NWD2: variants seen among roughly 807,000 people sequenced by gnomAD.
NWD2 encodes NACHT and WD repeat domain-containing protein 2.
NWD2 carries 37 observed loss-of-function variants against 132.7 expected under a neutral mutation model. That is an observed-to-expected ratio of 0.28 (90% CI 0.21 to 0.37). The LOEUF (loss-of-function observed/expected upper bound fraction) is 0.37. Among genes scored for constraint, NWD2 ranks in the 10% least tolerant of loss-of-function variants. The probability of loss-of-function intolerance (pLI) is 1.00; values close to 1 mark genes in which losing one functional copy is unlikely to be tolerated. For synonymous variants in NWD2, 705 were observed against 803.0 expected, an observed-to-expected ratio of 0.88 and a Z score of 2.06; for missense variants, 1,592 against 2,122.4, an observed-to-expected ratio of 0.75 and a Z score of 4.91.
chr4:37,283,349 G>C (rs913392130), intron 1 of NWD2, among the ~76,000 whole-genome samples: 1 of 152,140 alleles, frequency 6.6e-6, no homozygotes, highest in African/African-American at 2.4e-5. Flanking sequence ...CTGAAAGATA[G>C]CACTTACGTT....
intron 2 of NWD2, among the ~76,000 whole-genome samples, chr4:37,341,394 A>G (rs1382893783): frequency 4.6e-5 from 7 of 152,256 alleles, no homozygotes. Context: ...AAGAATCTAT[A>G]TCTATATTTG....
Position 37,244,880 on chromosome 4 carries a change from T to C in NWD2, c.-188T>C. ...CGCGACAGGAGCCCGAGGGTCCGTA[T>C]GGCTTCTCCTCGCCGGCGGGTGCTG... On this transcript the variant is annotated 5_prime_UTR_variant, in exon 1 of 7. It removes an upstream start codon present in the reference 5' UTR. Coordinates refer to ENST00000309447, the MANE Select transcript of NWD2 (RefSeq NM_001144990.2). This position sits in a 1 kb window ranked among gnomAD's most constrained non-coding sequence, Gnocchi z 5.5. 1 of 669,432 alleles carries C rather than the reference T, an allele frequency of 1.5e-6. No individual in the cohort carries two copies. The highest frequency in any genetic ancestry group is 2.4e-6 in the Non-Finnish European group (1 of 416,498). The allele number at this position is 669,432 out of a possible 1,614,324, so 41.5% of individuals were successfully genotyped here. A position where few individuals can be genotyped will look rare whatever the true frequency, so the allele number is the denominator to read the frequency against.
intron 1 of NWD2, among the ~76,000 whole-genome samples, chr4:37,306,092 T>G (rs567207087): frequency 5.9e-5 from 9 of 152,264 alleles, no homozygotes; most frequent in African/African-American, 1.7e-4. Flanking sequence ...GTCTGGAAAT[T>G]TATTCATTTT....
intron 3 of NWD2, among the ~76,000 whole-genome samples, chr4:37,396,400 C>T (rs901904999): frequency 2.6e-5 from 4 of 152,184 alleles, no homozygotes; most frequent in African/African-American, 7.2e-5. Flanking sequence ...AAACTCACAC[C>T]TCCTTACCCC....
rs10033448 is a variant in NWD2, at chr4:37,341,060, A to G, written c.240+15036A>G. Among the ~76,000 whole-genome samples the G allele has an allele frequency of 7.0e-3, 1,064 of 152,306 alleles. 12 individuals carry two copies. Among genetic ancestry groups the G allele is most frequent in the African/African-American group, 0.024 (1,007 of 41,564 alleles). On this transcript the variant is annotated intron_variant, in intron 2 of 6. Coordinates refer to ENST00000309447, the MANE Select transcript of NWD2 (RefSeq NM_001144990.2). ...CCTCAACCAGACGATGGTTTGACTT[A>G]CGATTTCTTGACTTTGTAATGGTTC...
At chr4:37,374,706 A>G (rs1720306900) in intron 3 of NWD2, among the ~76,000 whole-genome samples, 1 of 152,224 alleles carries the variant, frequency 6.6e-6, no homozygotes. Context: ...AATCTAATGG[A>G]AATATATACA....
At chr4:37,391,716 CTCA>C (rs1367835536) in intron 3 of NWD2, among the ~76,000 whole-genome samples, 1 of 152,118 alleles carries the variant, frequency 6.6e-6, no homozygotes, top group African/African-American at 2.4e-5. Context: ...TAAAGCCATC[CTCA>C]TCGTCATCCA....
At chr4:37,437,792 T>C (rs1712360509) in intron 5 of NWD2, among the ~76,000 whole-genome samples, 1 of 152,218 alleles carries the variant, frequency 6.6e-6, no homozygotes, top group African/African-American at 2.4e-5. Context: ...TTATTTATAA[T>C]ATATATGTAC....
intron 3 of NWD2, among the ~76,000 whole-genome samples, chr4:37,363,313 A>G (rs1401487067): frequency 1.3e-5 from 2 of 152,230 alleles, no homozygotes; most frequent in Non-Finnish European, 2.9e-5. Context: ...TATATATCCA[A>G]AAGAAAATAA....
chr4:37,400,299 G>T (rs1720874539), intron 3 of NWD2, among the ~76,000 whole-genome samples: 1 of 152,202 alleles, frequency 6.6e-6, no homozygotes, highest in Admixed American at 6.5e-5. Flanking sequence ...AAAATAAAGA[G>T]AAATTACCTT....
intron 1 of NWD2, among the ~76,000 whole-genome samples, chr4:37,312,109 C>T (rs867409075): frequency 1.1e-4 from 16 of 151,364 alleles, no homozygotes; most frequent in East Asian, 7.8e-4. Flanking sequence ...CTTGGCGATG[C>T]GGGCTCTTTT....
intron 3 of NWD2, among the ~76,000 whole-genome samples, chr4:37,420,026 G>A (rs564786969): frequency 6.6e-6 from 1 of 152,232 alleles, no homozygotes; most frequent in Admixed American, 6.5e-5. Context: ...CCATAGGTAT[G>A]CTCATTATTT....
intron 1 of NWD2, among the ~76,000 whole-genome samples, chr4:37,311,669 T>C (rs530939946): frequency 6.7e-6 from 1 of 148,186 alleles, no homozygotes; most frequent in Non-Finnish European, 1.5e-5. Context: ...TTGGCTTTTG[T>C]TGCTTTTGGT....
intron 5 of NWD2, among the ~76,000 whole-genome samples, chr4:37,436,227 G>A (rs1712318506): frequency 1.3e-5 from 2 of 152,118 alleles, no homozygotes; most frequent in Admixed American, 1.3e-4. Context: ...AGGACATTAA[G>A]GAACATGCAA....
intron 3 of NWD2, among the ~76,000 whole-genome samples, chr4:37,365,142 GA>G (rs1251041523): frequency 1.3e-5 from 2 of 152,038 alleles, no homozygotes; most frequent in African/African-American, 4.8e-5. Flanking sequence ...TTTAGTAAAA[GA>G]AAACTATATG....
chr4:37,425,261 C>T (rs1485783383), intron 3 of NWD2, among the ~76,000 whole-genome samples: 3 of 152,102 alleles, frequency 2.0e-5, no homozygotes, highest in Non-Finnish European at 4.4e-5. Flanking sequence ...AGTTCCAAAC[C>T]ATTAGGAAGT....
chr4:37,355,872 C>A (rs1719861521), intron 2 of NWD2, among the ~76,000 whole-genome samples: 1 of 151,742 alleles, frequency 6.6e-6, no homozygotes, highest in Admixed American at 6.6e-5. Context: ...AATATCTCTC[C>A]TCATATGATA....
chr4:37,249,273 C>A lies in NWD2; in HGVS notation c.151+4055C>A, dbSNP rs1181191813. 3.3e-5 allele frequency among the ~76,000 whole-genome samples: 5 copies of A among 152,184 alleles called. No homozygotes were observed. In the South Asian group the frequency reaches 6.2e-4, roughly 19 times the overall value. On this transcript the variant is annotated intron_variant, in intron 1 of 6. Transcript: ENST00000309447. ...AGGACTCAGGTTACTTCAAGTTTTG[C>A]TACCAGATGGATTGGGGAAAACCTT...
chr4:37,322,268 A>C (rs1719083756), intron 1 of NWD2, among the ~76,000 whole-genome samples: 1 of 152,184 alleles, frequency 6.6e-6, no homozygotes. Flanking sequence ...ACAAATAAAC[A>C]ATGATGAGTA....
Sources: allele counts gnomAD v4.1 joint callset (sites outside exome capture counted in the v4.1 genomes callset), GRCh38; gene constraint gnomAD v4.1.1; non-coding constraint Gnocchi (gnomAD v3.1); transcripts MANE v1.5; gene names NCBI Gene and HGNC (gene_info 2026-07-23, HGNC 2026-07-21).